MRTFA: variants seen among roughly 807,000 people sequenced by gnomAD.
MRTFA encodes myocardin-related transcription factor A.
A neutral mutation model predicts 83.5 loss-of-function variants in MRTFA; 20 were observed. That is an observed-to-expected ratio of 0.24 (90% CI 0.17 to 0.35). The LOEUF is 0.35. Ranked by LOEUF, MRTFA falls within the 10% of genes least tolerant of loss-of-function variation. The pLI is 1.00. For synonymous variants in MRTFA, 659 were observed against 541.2 expected (o/e 1.22, Z -3.02); for missense variants, 1,200 against 1,224.7 (o/e 0.98, Z 0.30).
At chr22:40,482,317 TATAA>T (rs1357574496) in intron 3 of MRTFA, among the ~76,000 whole-genome samples, 1 of 152,104 alleles carries the variant, frequency 6.6e-6, no homozygotes, top group Non-Finnish European at 1.5e-5. Flanking sequence ...TATTAATAAC[TATAA>T]ATAAATATTA....
At chr22:40,480,539 T>C (rs769218555) in intron 3 of MRTFA, among the ~76,000 whole-genome samples, 1 of 152,100 alleles carries the variant, frequency 6.6e-6, no homozygotes, top group Non-Finnish European at 1.5e-5. Context: ...CAGTGAATAG[T>C]ATGGAACATG....
intron 2 of MRTFA, among the ~76,000 whole-genome samples, chr22:40,563,071 C>CAA (rs1241243208): frequency 1.3e-5 from 2 of 152,134 alleles, no homozygotes; most frequent in African/African-American, 2.4e-5. Context: ...ATAACAGTAA[C>CAA]AATATAACAC....
chr22:40,510,887 C>CT (rs1256405452), intron 3 of MRTFA, among the ~76,000 whole-genome samples: 4 of 151,982 alleles, frequency 2.6e-5, no homozygotes, highest in African/African-American at 7.3e-5. Flanking sequence ...AATATATGTG[C>CT]TTTTTTTAAA....
chr22:40,485,435 G>A (rs964191962), intron 3 of MRTFA, among the ~76,000 whole-genome samples: 11 of 152,148 alleles, frequency 7.2e-5, no homozygotes, highest in African/African-American at 2.7e-4. Flanking sequence ...TAAACTGACA[G>A]AAATAGCTTA....
intron 1 of MRTFA, among the ~76,000 whole-genome samples, 152 bp from the exon 2 acceptor site, chr22:40,594,887 T>TTAA (rs1322740587): frequency 2.9e-5 from 3 of 105,008 alleles, no homozygotes; most frequent in Non-Finnish European, 5.9e-5. Context: ...TGTCACTGGT[T>TTAA]AAAAAAAAAA....
chr22:40,586,906 C>CTGG (rs2056038121), intron 2 of MRTFA: 1 of 327,674 alleles, frequency 3.1e-6, no homozygotes, highest in Non-Finnish European at 6.4e-6. Flanking sequence ...GCTGCTGGTG[C>CTGG]TGCTGGTGCT....
At chr22:40,526,297 C>T (rs946423181) in intron 3 of MRTFA, 3 of 152,216 alleles carry the variant, frequency 2.0e-5, no homozygotes, top group Admixed American at 6.6e-5. Flanking sequence ...CCTCCCAAAG[C>T]GCTGGGATTA....
chr22:40,532,726 A>G (rs1029403338), intron 3 of MRTFA, among the ~76,000 whole-genome samples: 2 of 152,194 alleles, frequency 1.3e-5, no homozygotes, highest in Non-Finnish European at 2.9e-5. Context: ...AGTGAGACCA[A>G]TTCTGCCAGA....
chr22:40,564,563 C>A (rs1327479460), intron 2 of MRTFA, among the ~76,000 whole-genome samples: 1 of 152,156 alleles, frequency 6.6e-6, no homozygotes, highest in South Asian at 2.1e-4. Flanking sequence ...TTGTCAAATA[C>A]CGCTGAGTAT....
chr22:40,533,696 G>A, intron 3 of MRTFA: 1 of 1,053,160 alleles, frequency 9.5e-7, no homozygotes, highest in Non-Finnish European at 1.2e-6. Context: ...AGTCACAGGA[G>A]AAAAGCTGTC....
intron 3 of MRTFA, among the ~76,000 whole-genome samples, chr22:40,547,837 G>A (rs754395793): frequency 1.0e-4 from 15 of 149,928 alleles, no homozygotes; most frequent in Non-Finnish European, 1.9e-4. Context: ...CTGGGTGACA[G>A]GGCGAGACTG....
intron 3 of MRTFA, among the ~76,000 whole-genome samples, chr22:40,477,555 A>G (rs972140184): frequency 4.6e-5 from 7 of 152,084 alleles, no homozygotes; most frequent in Non-Finnish European, 8.8e-5. Flanking sequence ...AAAGACCACA[A>G]TGTACATGAA....
intron 3 of MRTFA, among the ~76,000 whole-genome samples, chr22:40,484,159 G>T (rs2054137642): frequency 6.8e-6 from 1 of 147,178 alleles, no homozygotes; most frequent in Admixed American, 6.8e-5. Context: ...AGTTTTCTAT[G>T]GATAAAGAAA....
intron 3 of MRTFA, among the ~76,000 whole-genome samples, chr22:40,535,455 C>T (rs957192880): frequency 2.8e-5 from 4 of 141,054 alleles, no homozygotes; most frequent in South Asian, 2.2e-4. Flanking sequence ...CAAGTTCAAG[C>T]GATCCTCCTA....
intron 3 of MRTFA, among the ~76,000 whole-genome samples, chr22:40,539,418 C>A (rs993350511): frequency 6.6e-6 from 1 of 150,854 alleles, no homozygotes; most frequent in African/African-American, 2.4e-5. Flanking sequence ...CAGCTCACTG[C>A]AACCTCCACC....
rs111681286 is a variant in MRTFA at position 40,483,205 on chromosome 22, C to T, written c.242-19919G>A. ...CCTCCCAAATAGCTAGGACTGCAGG[C>T]GCTCTCCACCACGTCTGGCTAATTT... On this transcript the variant is annotated intron_variant, in intron 3 of 14. Coordinates refer to ENST00000355630, the MANE Select transcript of MRTFA (RefSeq NM_020831.6). Among the ~76,000 whole-genome samples the T allele has an allele frequency of 3.4e-4, 51 of 152,058 alleles. No homozygotes were observed. In the South Asian group the frequency reaches 3.5e-3, roughly 11 times the overall value.
chr22:40,520,912 T>C (rs2054855237), intron 3 of MRTFA, among the ~76,000 whole-genome samples: 1 of 152,206 alleles, frequency 6.6e-6, no homozygotes, highest in Non-Finnish European at 1.5e-5. Flanking sequence ...TTTTCTAGGA[T>C]ATATATCTAG....
In MRTFA at chr22:40,411,281, T is replaced by C; in HGVS notation, c.*109A>G. On this transcript the variant is annotated 3_prime_UTR_variant, in exon 15 of 15. Transcript: ENST00000355630. ...CAGGGAAGGGAAAAAGCAGGGGCTG[T>C]GATTGTCAAGACTCACAACCATGTG... is the stretch of plus-strand genomic sequence containing the variant. The C allele has an allele frequency of 8.2e-7, 1 of 1,224,464 alleles. No homozygotes were observed. The highest frequency in any genetic ancestry group is 1.1e-6 in the Non-Finnish European group (1 of 890,612). The allele number at this position is 1,224,464 out of a possible 1,614,324, so 75.8% of individuals were successfully genotyped here.
intron 7 of MRTFA, among the ~76,000 whole-genome samples, chr22:40,425,844 T>G (rs1459713336): frequency 6.6e-6 from 1 of 152,200 alleles, no homozygotes; most frequent in Non-Finnish European, 1.5e-5. Context: ...CTGGCCGTAC[T>G]GTGGAAAACC....
Sources: allele counts gnomAD v4.1 joint callset (sites outside exome capture counted in the v4.1 genomes callset), GRCh38; gene constraint gnomAD v4.1.1; transcripts MANE v1.5; gene names NCBI Gene and HGNC (gene_info 2026-07-23, HGNC 2026-07-21).